R3HDM1: variants seen among roughly 807,000 people sequenced by gnomAD.
R3HDM1 encodes the protein R3H domain-containing protein 1.
Under a neutral mutation model 141.1 loss-of-function variants are expected in R3HDM1, and 46 were observed. The observed-to-expected ratio is 0.33, with a 90% CI of 0.26 to 0.42. The LOEUF is 0.42. Ranked by LOEUF, R3HDM1 falls within the 10% of genes least tolerant of loss-of-function variation. R3HDM1 has a pLI of 1.00. For synonymous variants in R3HDM1, 435 were observed against 472.9 expected, an observed-to-expected ratio of 0.92 and a Z score of 1.04; for missense variants, 1,184 against 1,368.3, an observed-to-expected ratio of 0.87 and a Z score of 2.12.
chr2:135,656,294 G>A (rs1433084672), intron 18 of R3HDM1, among the ~76,000 whole-genome samples: 1 of 151,946 alleles, frequency 6.6e-6, no homozygotes, highest in Non-Finnish European at 1.5e-5. Flanking sequence ...ATGGTTATTA[G>A]TTGGGTTCTG....
chr2:135,630,180 G>T (rs1329194997), intron 7 of R3HDM1, among the ~76,000 whole-genome samples: 2 of 149,350 alleles, frequency 1.3e-5, no homozygotes, highest in African/African-American at 4.9e-5. Context: ...GGGAGGCTGA[G>T]GCAGGAGAAT....
chr2:135,673,547 T>A (rs2105338308), intron 19 of R3HDM1, among the ~76,000 whole-genome samples: 1 of 152,332 alleles, frequency 6.6e-6, no homozygotes, highest in East Asian at 1.9e-4. Context: ...AAGGAAGAAG[T>A]TTATTCTGTT....
At chr2:135,600,103 A>ATTTTTTT (rs1047714227) in intron 1 of R3HDM1, among the ~76,000 whole-genome samples, 15 of 93,516 alleles carry the variant, frequency 1.6e-4, no homozygotes, top group South Asian at 4.5e-4. Context: ...AGTTCGTATG[A>ATTTTTTT]TTTTTTTTTT....
At chr2:135,683,828 C>T (rs1282704335) in intron 21 of R3HDM1, among the ~76,000 whole-genome samples, 2 of 151,946 alleles carry the variant, frequency 1.3e-5, no homozygotes, top group Non-Finnish European at 2.9e-5. Context: ...GACTTAGTGG[C>T]TTATATAAAT....
chr2:135,626,208 C>CGTGT lies in R3HDM1; in HGVS notation c.497+3479_497+3480insTGTG, dbSNP rs1553576562. Among the ~76,000 whole-genome samples, 9 of 103,682 alleles carry CGTGT rather than the reference C, an allele frequency of 8.7e-5. No homozygotes were observed. The South Asian group carries it at 1.6e-3, about 18-fold the overall frequency. 68.0% of individuals were successfully genotyped at this position (103,682 alleles called of 152,430 possible). A position where few individuals can be genotyped will look rare whatever the true frequency, so the allele number is the denominator to read the frequency against. ...GCGTGCGTGCGTGCGTGCGTGCGTG[C>CGTGT]GTGCTTGCTTGCTTGCTTGCTTGCT... On this transcript the variant is annotated intron_variant, in intron 7 of 26. Coordinates refer to ENST00000683871, the MANE Select transcript of R3HDM1 (RefSeq NM_001378107.1).
At chr2:135,645,649 GTGATAT>G in intron 16 of R3HDM1, 122 bp downstream of exon 16, 1 of 1,204,372 alleles carries the variant, frequency 8.3e-7, no homozygotes, top group Non-Finnish European at 1.2e-6. Context: ...TCTGCCACTA[GTGATAT>G]TCCACTCACT....
At chr2:135,676,921 T>G (rs549697853) in intron 20 of R3HDM1, among the ~76,000 whole-genome samples, 33 of 152,330 alleles carry the variant, frequency 2.2e-4, no homozygotes, top group South Asian at 8.3e-4. Context: ...ACACGTATTT[T>G]GTGTATTTTA....
In R3HDM1 at chr2:135,532,141, G is replaced by C. The variant is rs1219048462; in HGVS notation, c.-250+508G>C. ...CCCCGGGCTCCCCCGGCCGCCCCAC[G>C]GCCGCATCCCCTGGCCTTGCACCAA... is the stretch of plus-strand genomic sequence containing the variant. On this transcript the variant is annotated intron_variant, in intron 1 of 26. Transcript: ENST00000683871. Among the ~76,000 whole-genome samples, 4 of 152,338 alleles carry C rather than the reference G, an allele frequency of 2.6e-5. 1 individual carries two copies. The East Asian group carries it at 7.7e-4, about 29-fold the overall frequency.
At chr2:135,648,465 G>A (rs1388290983) in intron 16 of R3HDM1, among the ~76,000 whole-genome samples, 3 of 151,968 alleles carry the variant, frequency 2.0e-5, no homozygotes, top group African/African-American at 2.4e-5. Flanking sequence ...CATTTTTAAA[G>A]TATTGTCTCT....
chr2:135,632,348 CAAGAG>C (rs903607225), intron 9 of R3HDM1, among the ~76,000 whole-genome samples: 1 of 148,640 alleles, frequency 6.7e-6, no homozygotes, highest in Non-Finnish European at 1.5e-5. Flanking sequence ...AAAAAAAACA[CAAGAG>C]AGAGAGCAGA....
intron 24 of R3HDM1, among the ~76,000 whole-genome samples, chr2:135,718,580 C>T (rs1264949796): frequency 2.0e-5 from 3 of 152,220 alleles, no homozygotes; most frequent in African/African-American, 7.2e-5. Flanking sequence ...CCTCCCCGGG[C>T]TCAGATGATC....
chr2:135,543,419 GTT>G (rs200352792), intron 1 of R3HDM1, among the ~76,000 whole-genome samples: 3 of 143,044 alleles, frequency 2.1e-5, no homozygotes, highest in African/African-American at 7.6e-5. Flanking sequence ...TCTTTTTCGA[GTT>G]TTTTTTTTTT....
At chr2:135,662,722 T>C (rs919709618) in intron 19 of R3HDM1, among the ~76,000 whole-genome samples, 7 of 152,228 alleles carry the variant, frequency 4.6e-5, no homozygotes, top group African/African-American at 1.7e-4. Context: ...AGTTATTCTC[T>C]ATTCGTGGGA....
Position 135,605,014 on chromosome 2 carries a change from C to A in R3HDM1, c.169C>A (p.Gln57Lys). 6.3e-7 allele frequency: 1 copy of A among 1,577,042 alleles called. No homozygotes were observed. The highest frequency in any genetic ancestry group is 8.7e-7 in the Non-Finnish European group (1 of 1,154,932). ...TTGTATTGAGAACAATATAGATTTG[C>A]AGGTAAACAGGAATTTTTCTCTGGC... ...EHCIENNIDL[Q>K]RPLQSFGQTG... is the part of the protein sequence containing the mutation. The change falls in exon 3 of 27, where the codon CAG becomes AAG. Residue 57 changes from glutamine (Q) to lysine (K), a missense_variant and splice_region_variant. Transcript: ENST00000683871.
At chr2:135,648,518 A>T (rs2064740988) in intron 16 of R3HDM1, among the ~76,000 whole-genome samples, 1 of 152,206 alleles carries the variant, frequency 6.6e-6, no homozygotes, top group African/African-American at 2.4e-5. Flanking sequence ...AGATGCATGA[A>T]TATACATTTT....
At chr2:135,588,840 C>T (rs1178483303) in intron 1 of R3HDM1, among the ~76,000 whole-genome samples, 4 of 152,058 alleles carry the variant, frequency 2.6e-5, no homozygotes, top group Non-Finnish European at 4.4e-5. Context: ...GTATTTAAAA[C>T]TTGTATTGAC....
intron 19 of R3HDM1, chr2:135,666,991 A>T: frequency 1.9e-6 from 1 of 531,328 alleles, no homozygotes; most frequent in Non-Finnish European, 2.4e-6. Flanking sequence ...AAAAAAAATT[A>T]ATAGGTACTA....
chr2:135,677,889 C>G (rs1050563088), intron 20 of R3HDM1, among the ~76,000 whole-genome samples: 10 of 152,158 alleles, frequency 6.6e-5, no homozygotes, highest in Admixed American at 5.9e-4. Context: ...CCAGTGTATT[C>G]TATGCCTGTA....
intron 1 of R3HDM1, among the ~76,000 whole-genome samples, chr2:135,593,648 G>T (rs1198581586): frequency 6.6e-6 from 1 of 152,132 alleles, no homozygotes; most frequent in East Asian, 1.9e-4. Flanking sequence ...GCCAAAGGTT[G>T]TATCTCTTAG....
Sources: gnomAD v4.1 joint callset for allele counts (sites outside exome capture counted in the v4.1 genomes callset) on GRCh38, gnomAD v4.1.1 for gene constraint, MANE v1.5 for transcripts, NCBI Gene and HGNC (gene_info 2026-07-23, HGNC 2026-07-21) for gene names.